RAB3C: variants seen among roughly 807,000 people sequenced by gnomAD.
RAB3C encodes RAB3C, member RAS oncogene family.
A neutral mutation model predicts 26.4 loss-of-function variants in RAB3C; 17 were observed. The observed-to-expected ratio is 0.64, with a 90% CI of 0.44 to 0.97. The LOEUF (loss-of-function observed/expected upper bound fraction) is 0.97, where lower values mean the gene tolerates loss of function less well. Ranked by LOEUF, RAB3C falls within the 50% of genes least tolerant of loss-of-function variation. RAB3C has a pLI of 0.00. For missense variants in RAB3C, 242 were observed against 281.9 expected (o/e 0.86, Z 1.01); for synonymous variants, 91 against 95.9 (o/e 0.95, Z 0.30).
At chr5:58,834,993 G>A (rs879553477) in intron 4 of RAB3C, among the ~76,000 whole-genome samples, 1 of 152,126 alleles carries the variant, frequency 6.6e-6, no homozygotes, top group Non-Finnish European at 1.5e-5. Context: ...GCTCAGGACA[G>A]TCCTGTTTAT....
At chr5:58,602,069 A>G (rs1746469458) in intron 1 of RAB3C, among the ~76,000 whole-genome samples, 1 of 152,040 alleles carries the variant, frequency 6.6e-6, no homozygotes, top group South Asian at 2.1e-4. Flanking sequence ...ATTCAGTTCA[A>G]AGAATTTTTA....
chr5:58,620,214 C>T (rs566365042), intron 2 of RAB3C, among the ~76,000 whole-genome samples: 1 of 152,168 alleles, frequency 6.6e-6, no homozygotes, highest in African/African-American at 2.4e-5. Context: ...TTTCCCCCAT[C>T]GTCAGTCACA....
At chr5:58,740,973 TCTGAC>T (rs1225997225) in intron 3 of RAB3C, among the ~76,000 whole-genome samples, 1 of 152,168 alleles carries the variant, frequency 6.6e-6, no homozygotes, top group African/African-American at 2.4e-5. Flanking sequence ...CACCCTCACT[TCTGAC>T]CAGCTGTCTA....
chr5:58,840,180 T>A (rs1743847620), intron 4 of RAB3C, among the ~76,000 whole-genome samples: 1 of 151,950 alleles, frequency 6.6e-6, no homozygotes, highest in African/African-American at 2.4e-5. Flanking sequence ...TTTCTTTTTT[T>A]TTCTGCTTAT....
chr5:58,751,010 A>C (rs1001945319), intron 3 of RAB3C, among the ~76,000 whole-genome samples: 70 of 152,170 alleles, frequency 4.6e-4, no homozygotes, highest in African/African-American at 1.6e-3. Context: ...GCCCGTCACC[A>C]CACCCAGCTA....
At chr5:58,599,965 C>T (rs1467569911) in intron 1 of RAB3C, among the ~76,000 whole-genome samples, 1 of 152,146 alleles carries the variant, frequency 6.6e-6, no homozygotes. Flanking sequence ...TTATCTTCTA[C>T]ATTTTTATAG....
At chr5:58,687,543 T>C (rs1267764344) in intron 2 of RAB3C, among the ~76,000 whole-genome samples, 1 of 152,066 alleles carries the variant, frequency 6.6e-6, no homozygotes. Flanking sequence ...GGAGTGGACA[T>C]TTTTTTGCTT....
intron 2 of RAB3C, among the ~76,000 whole-genome samples, chr5:58,715,224 T>C (rs1427430838): frequency 2.6e-5 from 4 of 152,010 alleles, no homozygotes; most frequent in Non-Finnish European, 5.9e-5. Context: ...GAGTTTCCTG[T>C]GCATCTTTTT....
rs1376633530 is a variant in RAB3C at position 58,852,860 on chromosome 5, T to G, written c.*1509T>G. The G allele has an allele frequency of 1.9e-5, 2 of 104,502 alleles. No homozygotes were observed. The highest frequency in any genetic ancestry group is 6.9e-5 in the African/African-American group (2 of 29,192). 6.5% of individuals were successfully genotyped at this position (104,502 alleles called of 1,614,324 possible). A position where few individuals can be genotyped will look rare whatever the true frequency, so the allele number is the denominator to read the frequency against. On this transcript the variant is annotated 3_prime_UTR_variant, in exon 5 of 5. Transcript: ENST00000282878. ...TTTTTTGGTGGTTATGTCAAAGAAT[T>G]TTTTTCCTCTTCTCAAAAATAGAGA...
intron 4 of RAB3C, among the ~76,000 whole-genome samples, chr5:58,830,036 A>G (rs1743577585): frequency 6.6e-6 from 1 of 152,166 alleles, no homozygotes; most frequent in African/African-American, 2.4e-5. Context: ...GCTGAGTGTA[A>G]CTCAGAGGAT....
chr5:58,654,817 C>T (rs927974522), intron 2 of RAB3C, among the ~76,000 whole-genome samples: 2 of 152,134 alleles, frequency 1.3e-5, no homozygotes, highest in Admixed American at 1.3e-4. Context: ...TTCATGTATT[C>T]CTTCATTCAA....
intron 2 of RAB3C, among the ~76,000 whole-genome samples, chr5:58,712,773 T>A (rs562470404): frequency 6.6e-6 from 1 of 152,246 alleles, no homozygotes; most frequent in Non-Finnish European, 1.5e-5. Context: ...GATCCACCCA[T>A]CTCAGCCTCC....
At chr5:58,783,066 T>A (rs1742305344) in intron 3 of RAB3C, among the ~76,000 whole-genome samples, 1 of 152,174 alleles carries the variant, frequency 6.6e-6, no homozygotes, top group African/African-American at 2.4e-5. Context: ...TTGCTTTGGA[T>A]ATATTTTTGT....
chr5:58,676,784 ATTGTT>A (rs1185438973), intron 2 of RAB3C, among the ~76,000 whole-genome samples: 1 of 152,110 alleles, frequency 6.6e-6, no homozygotes, highest in Non-Finnish European at 1.5e-5. Context: ...TTTGTTTTAC[ATTGTT>A]TTGTTTTGTT....
chr5:58,636,061 G>A (rs527244963), intron 2 of RAB3C, among the ~76,000 whole-genome samples: 9 of 152,268 alleles, frequency 5.9e-5, no homozygotes, highest in East Asian at 1.9e-4. Flanking sequence ...GACTCATTGC[G>A]CTCAAGCCAG....
chr5:58,738,718 A>T (rs113567271), intron 3 of RAB3C, among the ~76,000 whole-genome samples: 224 of 152,330 alleles, frequency 1.5e-3, no homozygotes, highest in Non-Finnish European at 2.7e-3. Flanking sequence ...AGACTCTTGA[A>T]TAAAAGGTAT....
chr5:58,694,427 A>G (rs145328756), intron 2 of RAB3C, among the ~76,000 whole-genome samples: 2,837 of 152,312 alleles, frequency 0.019, 69 homozygotes, highest in African/African-American at 0.064. Context: ...AGCATGATTT[A>G]TAATCCTTTG....
intron 3 of RAB3C, among the ~76,000 whole-genome samples, chr5:58,736,887 TC>T (rs1291031828): frequency 6.6e-6 from 1 of 152,178 alleles, no homozygotes; most frequent in Non-Finnish European, 1.5e-5. Context: ...TAACTGGTCT[TC>T]CTGCGTTTAC....
At chr5:58,652,284 G>T (rs1277859835) in intron 2 of RAB3C, among the ~76,000 whole-genome samples, 2 of 151,410 alleles carry the variant, frequency 1.3e-5, no homozygotes, top group Non-Finnish European at 3.0e-5. Flanking sequence ...TAAGTATATG[G>T]AGCGTCTATA....
Sources: gnomAD v4.1 joint callset for allele counts (sites outside exome capture counted in the v4.1 genomes callset) on GRCh38, gnomAD v4.1.1 for gene constraint, MANE v1.5 for transcripts, NCBI Gene and HGNC (gene_info 2026-07-23, HGNC 2026-07-21) for gene names.